Variants in GPC5 observed in about 807,000 individuals in gnomAD.
The protein encoded by GPC5 is glypican 5.
Under a neutral mutation model 53.9 loss-of-function variants are expected in GPC5, and 47 were observed. The observed-to-expected ratio is 0.87, with a 90% CI of 0.69 to 1.11. The LOEUF (loss-of-function observed/expected upper bound fraction) is 1.11. Among genes scored for constraint, GPC5 ranks in the 50% most tolerant of loss-of-function variants. The pLI, the probability that GPC5 is intolerant of heterozygous loss-of-function variation, is 0.00. For synonymous variants in GPC5, 286 were observed against 263.3 expected (o/e 1.09, Z -0.84); for missense variants, 748 against 713.1 (o/e 1.05, Z -0.56).
intron 6 of GPC5, among the ~76,000 whole-genome samples, chr13:92,103,856 A>G (rs756137769): frequency 2.0e-5 from 3 of 152,186 alleles, no homozygotes; most frequent in Non-Finnish European, 4.4e-5. Flanking sequence ...TCAGAAGTGC[A>G]CATAGCACTG....
chr13:92,657,292 G>A (rs539624135), intron 7 of GPC5, among the ~76,000 whole-genome samples: 6 of 152,152 alleles, frequency 3.9e-5, no homozygotes, highest in African/African-American at 1.4e-4. Flanking sequence ...GAAATACTAA[G>A]TAAATAAATA....
chr13:91,789,761 G>A (rs917605821), intron 5 of GPC5, among the ~76,000 whole-genome samples: 12 of 152,140 alleles, frequency 7.9e-5, no homozygotes. Flanking sequence ...CAAAAGAGGT[G>A]TATTTGGCGC....
Position 91,792,049 on chromosome 13 carries a change from G to A in GPC5, c.1280+35629G>A, listed in dbSNP as rs9805584. On this transcript the variant is annotated intron_variant, in intron 5 of 7. Coordinates refer to ENST00000377067, the MANE Select transcript of GPC5 (RefSeq NM_004466.6). ...ATGCTTTCAGACAGTATCTCAGAGA[G>A]TAAGAGTTATTGCTTGGTTGGATAA... 7.2e-3 allele frequency among the ~76,000 whole-genome samples: 1,103 copies of A among 152,308 alleles called. 12 individuals carry two copies. Among genetic ancestry groups the A allele is most frequent in the African/African-American group, 0.025 (1,057 of 41,560 alleles).
At chr13:92,803,937 A>C (rs1290413904) in intron 7 of GPC5, among the ~76,000 whole-genome samples, 3 of 151,960 alleles carry the variant, frequency 2.0e-5, no homozygotes, top group Non-Finnish European at 4.4e-5. Flanking sequence ...AGGCAGCTCA[A>C]AGAATTTTCT....
chr13:92,451,847 A>G (rs548433556), intron 7 of GPC5, among the ~76,000 whole-genome samples: 1 of 152,304 alleles, frequency 6.6e-6, no homozygotes, highest in African/African-American at 2.4e-5. Flanking sequence ...TTCAAATGTA[A>G]TCAACTTTTG....
At chr13:92,296,709 G>A (rs1318655459) in intron 7 of GPC5, among the ~76,000 whole-genome samples, 2 of 152,208 alleles carry the variant, frequency 1.3e-5, no homozygotes, top group East Asian at 1.9e-4. Flanking sequence ...GCGCTTGCGG[G>A]CCAGCTGGAG....
At chr13:91,821,754 C>G (rs1213287907) in intron 5 of GPC5, among the ~76,000 whole-genome samples, 2 of 152,044 alleles carry the variant, frequency 1.3e-5, no homozygotes, top group African/African-American at 4.8e-5. Flanking sequence ...AACTAATCAT[C>G]AAAACTCCAA....
chr13:91,863,283 T>C (rs887276534), intron 5 of GPC5, among the ~76,000 whole-genome samples: 1 of 152,174 alleles, frequency 6.6e-6, no homozygotes, highest in African/African-American at 2.4e-5. Context: ...AGGTTGATCA[T>C]GGTTGTAAAT....
intron 2 of GPC5, among the ~76,000 whole-genome samples, chr13:91,647,070 C>CGTGTGT (rs66824666): frequency 5.6e-5 from 8 of 144,122 alleles, no homozygotes; most frequent in East Asian, 2.0e-4. Context: ...TATATATATG[C>CGTGTGT]GTGTGTGTGT....
At chr13:91,504,823 A>G (rs1276326832) in intron 2 of GPC5, among the ~76,000 whole-genome samples, 1 of 152,028 alleles carries the variant, frequency 6.6e-6, no homozygotes, top group African/African-American at 2.4e-5. Flanking sequence ...GCATGGTGGC[A>G]TGCACCTGTA....
intron 7 of GPC5, among the ~76,000 whole-genome samples, chr13:92,536,012 T>A (rs1881711074): frequency 6.6e-6 from 1 of 152,142 alleles, no homozygotes; most frequent in African/African-American, 2.4e-5. Flanking sequence ...ATTTTCAGGA[T>A]ATATTTTTCA....
chr13:92,113,018 G>A (rs931013660), intron 6 of GPC5, among the ~76,000 whole-genome samples: 2 of 152,016 alleles, frequency 1.3e-5, no homozygotes, highest in Non-Finnish European at 2.9e-5. Flanking sequence ...AAACTAAATT[G>A]ATGAAACATC....
intron 2 of GPC5, among the ~76,000 whole-genome samples, chr13:91,515,900 G>A (rs1339802720): frequency 6.6e-6 from 1 of 152,072 alleles, no homozygotes; most frequent in Non-Finnish European, 1.5e-5. Flanking sequence ...GGAGGTGAAA[G>A]GCACTTCTTC....
intron 7 of GPC5, among the ~76,000 whole-genome samples, chr13:92,269,757 C>G (rs1287522704): frequency 6.6e-6 from 1 of 152,166 alleles, no homozygotes; most frequent in Non-Finnish European, 1.5e-5. Flanking sequence ...TCTGAGTCTT[C>G]TCGTCTTGTG....
intron 7 of GPC5, among the ~76,000 whole-genome samples, chr13:92,254,399 T>C (rs566716430): frequency 6.6e-6 from 1 of 152,266 alleles, no homozygotes; most frequent in African/African-American, 2.4e-5. Flanking sequence ...GAAGTTTGTA[T>C]AGATTCACAT....
chr13:91,865,649 G>A (rs936881064), intron 5 of GPC5, among the ~76,000 whole-genome samples: 2 of 152,074 alleles, frequency 1.3e-5, no homozygotes, highest in Non-Finnish European at 2.9e-5. Context: ...TGACCCCATG[G>A]CAGAAACGTC....
intron 6 of GPC5, among the ~76,000 whole-genome samples, chr13:92,071,144 G>C (rs1199724675): frequency 6.6e-6 from 1 of 152,154 alleles, no homozygotes; most frequent in African/African-American, 2.4e-5. Context: ...GCTGAGGCAG[G>C]AGAATTGCTT....
chr13:91,541,280 A>G (rs77223033), intron 2 of GPC5, among the ~76,000 whole-genome samples: 4,154 of 152,204 alleles, frequency 0.027, 74 homozygotes, highest in Non-Finnish European at 0.043. Context: ...TACTGTGTGC[A>G]GTTAATTTAC....
intron 2 of GPC5, among the ~76,000 whole-genome samples, chr13:91,656,780 G>A (rs1026768864): frequency 2.0e-5 from 3 of 152,136 alleles, no homozygotes; most frequent in African/African-American, 7.2e-5. Flanking sequence ...ATCACATAGT[G>A]TTTCTCCTGC....
Sources: allele counts gnomAD v4.1 joint callset (sites outside exome capture counted in the v4.1 genomes callset), GRCh38; gene constraint gnomAD v4.1.1; transcripts MANE v1.5; gene names NCBI Gene and HGNC (gene_info 2026-07-23, HGNC 2026-07-21).